NAV3: variants seen among roughly 807,000 people sequenced by gnomAD.
The protein encoded by NAV3 is pore membrane and/or filament interacting like protein 1.
A neutral mutation model predicts 244.7 loss-of-function variants in NAV3; 87 were observed. The observed-to-expected ratio is 0.36, with a 90% confidence interval of 0.30 to 0.42. NAV3 has a LOEUF of 0.42. Among genes scored for constraint, NAV3 ranks in the 20% least tolerant of loss-of-function variants. The pLI, the probability that NAV3 is intolerant of heterozygous loss-of-function variation, is 1.00. For synonymous variants in NAV3, 1,126 were observed against 1,042.2 expected (o/e 1.08, Z -1.55); for missense variants, 2,663 against 2,893.3 (o/e 0.92, Z 1.83).
At chr12:77,822,005 T>C (rs967063022) in intron 2 of NAV3, among the ~76,000 whole-genome samples, 14 of 152,194 alleles carry the variant, frequency 9.2e-5, no homozygotes, top group Middle Eastern at 3.2e-3. Context: ...ATAGTTGTCC[T>C]TTTTCCAGAT....
At chr12:77,594,784 T>A (rs1165709313) in intron 2 of NAV3, among the ~76,000 whole-genome samples, 1 of 152,210 alleles carries the variant, frequency 6.6e-6, no homozygotes, top group East Asian at 1.9e-4. Context: ...ATAGCCATTC[T>A]TTTTCTTAAA....
At chr12:77,986,736 T>C (rs1297074604) in intron 5 of NAV3, among the ~76,000 whole-genome samples, 2 of 152,160 alleles carry the variant, frequency 1.3e-5, no homozygotes, top group Admixed American at 6.6e-5. Context: ...ATTATTAAAA[T>C]TTTCTTAGCT....
In NAV3 at chr12:77,809,238, T is replaced by C. The variant is rs182886826; in HGVS notation, c.73-131081T>C. Among the ~76,000 whole-genome samples the C allele has an allele frequency of 2.4e-4, 37 of 152,302 alleles. No individual in the cohort carries two copies. The East Asian group carries it at 6.9e-3, about 29-fold the overall frequency. Reference sequence around the variant, plus strand: ...TGGGTTATGAAAAAGAAATTGCAGCTAGCTCGGCGTCTGCCCAAACAGCCA... The same window carrying C: ...TGGGTTATGAAAAAGAAATTGCAGCCAGCTCGGCGTCTGCCCAAACAGCCA... On this transcript the variant is annotated intron_variant, in intron 2 of 8. Coordinates refer to the NAV3 transcript ENST00000550042.
intron 20 of NAV3, chr12:78,143,434 C>T (rs999272506): frequency 2.4e-6 from 1 of 418,214 alleles, no homozygotes; most frequent in Non-Finnish European, 4.8e-6. Context: ...AGTTCGAGAC[C>T]AGCCTGGCCA....
intron 18 of NAV3, among the ~76,000 whole-genome samples, chr12:78,135,031 C>T (rs961120158): frequency 6.6e-6 from 1 of 151,890 alleles, no homozygotes; most frequent in African/African-American, 2.4e-5. Flanking sequence ...ATTTTTTAGT[C>T]ATAAAAAAAC....
intron 34 of NAV3, among the ~76,000 whole-genome samples, chr12:78,190,854 G>A (rs964690822): frequency 6.6e-6 from 1 of 152,050 alleles, no homozygotes; most frequent in African/African-American, 2.4e-5. Context: ...GGCGTAGCCT[G>A]TACTTTCTTA....
At chr12:77,732,805 C>T (rs974307884) in intron 2 of NAV3, among the ~76,000 whole-genome samples, 7 of 151,980 alleles carry the variant, frequency 4.6e-5, no homozygotes, top group Admixed American at 3.3e-4. Context: ...GCAGTAACTA[C>T]ACTGTAGATG....
chr12:77,944,713 GT>G (rs1890170518), intron 3 of NAV3, among the ~76,000 whole-genome samples: 1 of 152,074 alleles, frequency 6.6e-6, no homozygotes, highest in South Asian at 2.1e-4. Context: ...GAAACCTGAG[GT>G]TTTTCACTCT....
chr12:77,977,910 G>A lies in NAV3; in HGVS notation c.671+9208G>A, dbSNP rs1471604597. Among the ~76,000 whole-genome samples the A allele has an allele frequency of 3.9e-5, 6 of 152,132 alleles. No individual in the cohort carries two copies. In the East Asian group the frequency reaches 1.2e-3, roughly 29 times the overall value. On this transcript the variant is annotated intron_variant, in intron 5 of 39. Transcript: ENST00000397909. ...TGATAGTTTGGGGAGATCAGTCCAA[G>A]TAAACAAAGGATCACTGTATGCCAG...
chr12:77,756,255 G>A (rs1214958761), intron 2 of NAV3, among the ~76,000 whole-genome samples: 1 of 152,090 alleles, frequency 6.6e-6, no homozygotes, highest in Non-Finnish European at 1.5e-5. Context: ...TATAGAAATA[G>A]GGTTATGAAA....
At chr12:78,004,738 A>G (rs1330377578) in intron 7 of NAV3, among the ~76,000 whole-genome samples, 1 of 152,170 alleles carries the variant, frequency 6.6e-6, no homozygotes, top group Non-Finnish European at 1.5e-5. Context: ...ACAACCTATG[A>G]TTTGCCCTCT....
intron 1 of NAV3, among the ~76,000 whole-genome samples, chr12:77,923,990 G>A (rs1312810038): frequency 6.6e-6 from 1 of 152,158 alleles, no homozygotes; most frequent in Non-Finnish European, 1.5e-5. Context: ...GTACATAAGG[G>A]AGTTGTTCTC....
At chr12:77,729,176 T>C (rs7976766) in intron 2 of NAV3, among the ~76,000 whole-genome samples, 2,137 of 152,158 alleles carry the variant, frequency 0.014, 50 homozygotes, top group African/African-American at 0.048. Flanking sequence ...GATTTTTGAC[T>C]GTGTAGGGGG....
At chr12:77,931,834 G>A (rs1325070477) in intron 1 of NAV3, among the ~76,000 whole-genome samples, 2 of 151,984 alleles carry the variant, frequency 1.3e-5, no homozygotes, top group East Asian at 3.9e-4. Context: ...GCCACTGCAC[G>A]CCAGCCTGGG....
At chr12:77,671,526 G>A (rs1081539) in intron 2 of NAV3, among the ~76,000 whole-genome samples, 35,161 of 151,850 alleles carry the variant, frequency 0.23, 6,033 homozygotes, top group African/African-American at 0.48. Context: ...CTATAATGCC[G>A]TGGTCACCAA....
intron 12 of NAV3, among the ~76,000 whole-genome samples, chr12:78,107,435 C>A (rs451933): frequency 0.053 from 8,053 of 152,082 alleles, 272 homozygotes; most frequent in Non-Finnish European, 0.072. Flanking sequence ...AGGTCTTATA[C>A]ACAGCACATT....
At position 78,119,624 on chromosome 12, in the gene NAV3, A is replaced by C. The variant is rs199632272; in HGVS notation, c.3428A>C (p.Lys1143Thr). Residue 1143 changes from lysine (K) to threonine (T), a missense_variant, in exon 15 of 40, where the codon AAA becomes ACA. Transcript: ENST00000397909. ...TATCGCAGCTTGCCCCGCCCTTCAA[A>C]ATCCAGCACCAGTGGCATTCCTGGC... ...LQYRSLPRPS[K>T]SSTSGIPGRG... The C allele has an allele frequency of 5.6e-6, 9 of 1,614,136 alleles. No individual in the cohort carries two copies. Among genetic ancestry groups the C allele is most frequent in the Admixed American group, 3.3e-5 (2 of 60,020 alleles).
At chr12:77,642,725 A>G (rs1435183171) in intron 2 of NAV3, among the ~76,000 whole-genome samples, 1 of 152,122 alleles carries the variant, frequency 6.6e-6, no homozygotes, top group East Asian at 1.9e-4. Flanking sequence ...GATGCAGTTG[A>G]CAAAGAAATT....
At position 78,177,439 on chromosome 12, in the gene NAV3, A is replaced by G. The variant is rs554160608; in HGVS notation, c.5297+126A>G. The G allele has an allele frequency of 7.3e-5, 86 of 1,183,994 alleles. No homozygotes were observed. In the African/African-American group the frequency reaches 1.3e-3, roughly 18 times the overall value. 73.3% of individuals were successfully genotyped at this position (1,183,994 alleles called of 1,614,324 possible). A position where few individuals can be genotyped will look rare whatever the true frequency, so the allele number is the denominator to read the frequency against. On this transcript the variant is annotated intron_variant, in intron 27 of 39. Coordinates refer to ENST00000397909, the MANE Select transcript of NAV3 (RefSeq NM_001024383.2). ...GATTTTTCTGAGAATGATGGACAGC[A>G]TTAGTTTCTCTTTTCATATTTCTCT...
Sources: gnomAD v4.1 joint callset for allele counts (sites outside exome capture counted in the v4.1 genomes callset) on GRCh38, gnomAD v4.1.1 for gene constraint, MANE v1.5 for transcripts, NCBI Gene and HGNC (gene_info 2026-07-23, HGNC 2026-07-21) for gene names.